Variants in SHOC2 observed in about 807,000 individuals in gnomAD.
SHOC2 encodes the protein SHOC2 leucine rich repeat scaffold protein.
In SHOC2, 4 loss-of-function variants were observed where a neutral mutation model predicts 50.2. That is an observed-to-expected ratio of 0.08 (90% CI 0.04 to 0.18). SHOC2 has a LOEUF of 0.18. Ranked by LOEUF, SHOC2 falls within the 10% of genes least tolerant of loss-of-function variation. The pLI is 1.00. For synonymous variants in SHOC2, 218 were observed against 244.5 expected (o/e 0.89, Z 1.01); for missense variants, 388 against 669.6 (o/e 0.58, Z 4.64).
chr10:110,985,873 T>C, intron 3 of SHOC2, 108 bp downstream of exon 3: 1 of 917,050 alleles, frequency 1.1e-6, no homozygotes, highest in East Asian at 2.5e-5. Flanking sequence ...AAATTCACAA[T>C]TACCAAAGTT....
At chr10:110,939,459 A>G (rs1847094823) in intron 1 of SHOC2, among the ~76,000 whole-genome samples, 2 of 152,148 alleles carry the variant, frequency 1.3e-5, no homozygotes, top group South Asian at 2.1e-4. Flanking sequence ...GCCTCAACCA[A>G]TCCCCCTACC....
intron 1 of SHOC2, among the ~76,000 whole-genome samples, chr10:110,961,740 A>G (rs1284704242): frequency 1.3e-5 from 2 of 152,202 alleles, no homozygotes; most frequent in Non-Finnish European, 2.9e-5. Context: ...GGCTAGTATT[A>G]TGGATTATGG....
At chr10:110,923,096 G>A (rs1434372405) in intron 1 of SHOC2, among the ~76,000 whole-genome samples, 1 of 151,872 alleles carries the variant, frequency 6.6e-6, no homozygotes, top group East Asian at 1.9e-4. Flanking sequence ...TAACTGCTTG[G>A]CCTTCTGAAT....
chr10:110,971,637 G>A (rs1381346527), intron 2 of SHOC2, among the ~76,000 whole-genome samples: 2 of 152,064 alleles, frequency 1.3e-5, no homozygotes, highest in Non-Finnish European at 2.9e-5. Context: ...ACTTTGGGTA[G>A]TATGGATATT....
At chr10:110,962,298 A>G (rs369278373) in intron 1 of SHOC2, among the ~76,000 whole-genome samples, 6 of 152,186 alleles carry the variant, frequency 3.9e-5, no homozygotes, top group East Asian at 3.8e-4. Context: ...TTTCTTAAAT[A>G]CAAATTGATA....
chr10:110,946,521 A>T (rs992171503), intron 1 of SHOC2, among the ~76,000 whole-genome samples: 1 of 150,410 alleles, frequency 6.6e-6, no homozygotes, highest in Non-Finnish European at 1.5e-5. Flanking sequence ...GTGAAGAAAA[A>T]TAAAGCAGGG....
At chr10:111,009,022 T>C (rs1369482064) in intron 6 of SHOC2, among the ~76,000 whole-genome samples, 1 of 152,188 alleles carries the variant, frequency 6.6e-6, no homozygotes, top group African/African-American at 2.4e-5. Flanking sequence ...AATTGCTTCT[T>C]TTGTTTTCAT....
intron 3 of SHOC2, among the ~76,000 whole-genome samples, chr10:110,989,518 TA>T (rs1848142807): frequency 6.6e-6 from 1 of 152,204 alleles, no homozygotes; most frequent in Admixed American, 6.5e-5. Flanking sequence ...AGATACAAAA[TA>T]ATTGGATCAA....
At chr10:110,997,554 A>G (rs1564726757) in intron 3 of SHOC2, among the ~76,000 whole-genome samples, 1 of 152,026 alleles carries the variant, frequency 6.6e-6, no homozygotes, top group Non-Finnish European at 1.5e-5. Flanking sequence ...TTAACATCAT[A>G]CCTGAAAGTC....
At chr10:110,939,042 A>G (rs1782703049) in intron 1 of SHOC2, among the ~76,000 whole-genome samples, 1 of 152,074 alleles carries the variant, frequency 6.6e-6, no homozygotes. Context: ...TCTTCTTTGG[A>G]ACTACTTTCT....
chr10:110,940,319 A>G (rs766353594), intron 1 of SHOC2, among the ~76,000 whole-genome samples: 8 of 152,088 alleles, frequency 5.3e-5, no homozygotes, highest in Admixed American at 2.6e-4. Flanking sequence ...ATGTTCTTCT[A>G]TTTCTTCTTC....
intron 1 of SHOC2, among the ~76,000 whole-genome samples, chr10:110,942,940 C>G (rs1015233442): frequency 1.3e-5 from 2 of 152,182 alleles, no homozygotes; most frequent in South Asian, 2.1e-4. Flanking sequence ...TACTTAGTAT[C>G]TCTTGTACAT....
At chr10:110,975,010 TATTA>T (rs1325223662) in intron 2 of SHOC2, among the ~76,000 whole-genome samples, 3 of 152,160 alleles carry the variant, frequency 2.0e-5, no homozygotes. Context: ...AGCTTCTTGA[TATTA>T]ATTAACATCC....
chr10:110,927,551 T>C (rs1251392134), intron 1 of SHOC2, among the ~76,000 whole-genome samples: 1 of 152,216 alleles, frequency 6.6e-6, no homozygotes, highest in Non-Finnish European at 1.5e-5. Flanking sequence ...TTCTTAATAC[T>C]AGAAAATGGC....
chr10:111,010,721 C>G (rs1848551526), intron 8 of SHOC2, among the ~76,000 whole-genome samples: 1 of 152,084 alleles, frequency 6.6e-6, no homozygotes, highest in African/African-American at 2.4e-5. Flanking sequence ...AATTCAAAAT[C>G]TAGCCCTGCT....
chr10:110,939,161 C>T (rs1432960465), intron 1 of SHOC2, among the ~76,000 whole-genome samples: 4 of 152,100 alleles, frequency 2.6e-5, no homozygotes, highest in Non-Finnish European at 5.9e-5. Flanking sequence ...ACATTGGAAC[C>T]AAACCCTATA....
intron 1 of SHOC2, among the ~76,000 whole-genome samples, chr10:110,948,825 G>A (rs1847296749): frequency 6.6e-6 from 1 of 152,176 alleles, no homozygotes. Flanking sequence ...CAAAGGACTA[G>A]AAAAAGCTTG....
chr10:110,925,203 A>G (rs995348753), intron 1 of SHOC2, among the ~76,000 whole-genome samples: 2 of 151,460 alleles, frequency 1.3e-5, no homozygotes, highest in Non-Finnish European at 2.9e-5. Flanking sequence ...TTTTTGTATA[A>G]TCATTTAAAA....
intron 5 of SHOC2, among the ~76,000 whole-genome samples, chr10:111,005,920 G>A (rs758971998): frequency 6.6e-6 from 1 of 152,070 alleles, no homozygotes; most frequent in Non-Finnish European, 1.5e-5. Context: ...CATAAATATG[G>A]TGTGTATCTT....
Sources: allele counts gnomAD v4.1 joint callset (sites outside exome capture counted in the v4.1 genomes callset), GRCh38; gene constraint gnomAD v4.1.1; transcripts MANE v1.5; gene names NCBI Gene and HGNC (gene_info 2026-07-23, HGNC 2026-07-21).